The following DCN variants were observed in gnomAD, a reference collection of about 807,000 sequenced individuals.
The protein encoded by DCN is bone proteoglycan II.
In DCN, 17 loss-of-function variants were observed where a neutral mutation model predicts 36.5. The ratio of observed to expected loss-of-function variants is 0.47; its 90% CI spans 0.32 to 0.70. DCN has a LOEUF of 0.70. Ranked by LOEUF, DCN falls within the 30% of genes least tolerant of loss-of-function variation. The pLI is 0.04. For synonymous variants in DCN, 163 were observed against 161.4 expected (o/e 1.01, Z -0.07); for missense variants, 389 against 430.1 (o/e 0.90, Z 0.84).
At chr12:91,152,231 A>T (rs747226841) in intron 6 of DCN, among the ~76,000 whole-genome samples, 3 of 152,156 alleles carry the variant, frequency 2.0e-5, no homozygotes, top group Non-Finnish European at 4.4e-5. Context: ...GGTCTCATGG[A>T]TCAAAAACCA....
Position 91,141,116 on chromosome 12 carries a change from C to CAA in DCN, c.*4940_*4941dup, listed in dbSNP as rs1228601350. 1 of 152,164 alleles carries CAA rather than the reference C, an allele frequency of 6.6e-6. No individual in the cohort carries two copies. Among genetic ancestry groups the CAA allele is most frequent in the Admixed American group, 6.5e-5 (1 of 15,272 alleles). The allele number at this position is 152,164 out of a possible 1,614,324, so 9.4% of individuals were successfully genotyped here. ...GTCTATACACGCAAAGGGATCCTCT[C>CAA]AAAGACAGTTGAATCAAGTCACTCC... On this transcript the variant is annotated 3_prime_UTR_variant, in exon 8 of 8. Coordinates refer to ENST00000052754, the MANE Select transcript of DCN (RefSeq NM_001920.5).
At chr12:91,159,286 G>T (rs1449194721) in intron 3 of DCN, among the ~76,000 whole-genome samples, 1 of 152,122 alleles carries the variant, frequency 6.6e-6, no homozygotes, top group African/African-American at 2.4e-5. Context: ...CACCAGCAAT[G>T]CAAGGAACTA....
chr12:91,172,641 G>A (rs935450735), intron 2 of DCN: 2 of 598,274 alleles, frequency 3.3e-6, no homozygotes, highest in South Asian at 3.8e-5. Flanking sequence ...AGGATGCACT[G>A]AGAAATCACT....
At chr12:91,153,261 G>T in intron 5 of DCN, 72 bp from the exon 6 acceptor site, 1 of 849,642 alleles carries the variant, frequency 1.2e-6, no homozygotes, top group Non-Finnish European at 2.1e-6. Context: ...CAAACTTAAA[G>T]AAGACATATG....
intron 3 of DCN, among the ~76,000 whole-genome samples, chr12:91,160,316 C>A (rs1882079482): frequency 6.6e-6 from 1 of 151,834 alleles, no homozygotes. Flanking sequence ...CATAGAAGAC[C>A]ATTTTGAAAG....
At chr12:91,167,516 G>A (rs1433001884) in intron 2 of DCN, among the ~76,000 whole-genome samples, 1 of 151,754 alleles carries the variant, frequency 6.6e-6, no homozygotes, top group Non-Finnish European at 1.5e-5. Flanking sequence ...GAGACCATCT[G>A]AGACCATTTC....
At position 91,146,044 on chromosome 12, in the gene DCN, G is replaced by A; in HGVS notation, c.*14C>T. Reference sequence around the variant, plus strand: ...GATTTTGCCAGGTTATAAAAATGAGGGCTTTCTTGAGAATTACTTATAGTT... The same window carrying A: ...GATTTTGCCAGGTTATAAAAATGAGAGCTTTCTTGAGAATTACTTATAGTT... On this transcript the variant is annotated 3_prime_UTR_variant, in exon 8 of 8. Coordinates refer to ENST00000052754, the MANE Select transcript of DCN (RefSeq NM_001920.5). 2 of 1,607,828 alleles carry A rather than the reference G, an allele frequency of 1.2e-6. No individual in the cohort carries two copies. Among genetic ancestry groups the A allele is most frequent in the Non-Finnish European group, 1.7e-6 (2 of 1,174,396 alleles).
chr12:91,156,912 C>T (rs1881814562), intron 5 of DCN, among the ~76,000 whole-genome samples, 163 bp downstream of exon 5: 2 of 151,884 alleles, frequency 1.3e-5, no homozygotes, highest in African/African-American at 2.4e-5. Context: ...AGAGAATTTG[C>T]TGGAAATATA....
chr12:91,172,584 A>G (rs975096036), intron 2 of DCN: 10 of 465,502 alleles, frequency 2.1e-5, no homozygotes, highest in Non-Finnish European at 3.4e-5. Context: ...AACTCAAGGA[A>G]TTTCTAAGCT....
At chr12:91,177,718 A>T in intron 2 of DCN, 2 of 696,154 alleles carry the variant, frequency 2.9e-6, no homozygotes, top group Non-Finnish European at 5.2e-6. Flanking sequence ...TACCTTAGTG[A>T]TAAATATTTC....
At position 91,142,341 on chromosome 12, in the gene DCN, A is replaced by G. The variant is rs1473181330; in HGVS notation, c.*3717T>C. On this transcript the variant is annotated 3_prime_UTR_variant, in exon 8 of 8. Transcript: ENST00000052754. ...GCCTGGAACATTGGATGAATGAGAA[A>G]TGACTGTATAAAACATTTTTAGTTT... 1 of 152,202 alleles carries G rather than the reference A, an allele frequency of 6.6e-6. No individual in the cohort carries two copies. Among genetic ancestry groups the G allele is most frequent in the East Asian group, 1.9e-4 (1 of 5,196 alleles). 9.4% of individuals were successfully genotyped at this position (152,202 alleles called of 1,614,324 possible). A position where few individuals can be genotyped will look rare whatever the true frequency, so the allele number is the denominator to read the frequency against.
chr12:91,144,408 C>A lies in DCN; in HGVS notation c.*1650G>T, dbSNP rs557973590. 4 of 152,188 alleles carry A rather than the reference C, an allele frequency of 2.6e-5. No homozygotes were observed. Among genetic ancestry groups the A allele is most frequent in the Admixed American group, 1.3e-4 (2 of 15,276 alleles). The allele number at this position is 152,188 out of a possible 1,614,324, so 9.4% of individuals were successfully genotyped here. On this transcript the variant is annotated 3_prime_UTR_variant, in exon 8 of 8. Coordinates refer to ENST00000052754, the MANE Select transcript of DCN (RefSeq NM_001920.5). ...CCTGAATGTCTTCCAATAGAAACCACCTATTCAACTGTAGTCATGAGAGGA... is the reference window on the plus strand; with the variant it reads ...CCTGAATGTCTTCCAATAGAAACCAACTATTCAACTGTAGTCATGAGAGGA...
At chr12:91,158,582 G>T (rs2121212544) in intron 3 of DCN, 73 bp from the exon 4 acceptor site, 11 of 847,458 alleles carry the variant, frequency 1.3e-5, no homozygotes, top group Non-Finnish European at 2.1e-5. Flanking sequence ...GGGCATGTTT[G>T]TTCATTCCAT....
chr12:91,148,133 T>G (rs1881152753), intron 7 of DCN, among the ~76,000 whole-genome samples: 1 of 151,358 alleles, frequency 6.6e-6, no homozygotes, highest in Non-Finnish European at 1.5e-5. Context: ...AAGTGCGGTG[T>G]CGCAATCTCG....
chr12:91,158,339 C>T lies in DCN; in HGVS notation c.495G>A (p.Val165=). 6.2e-7 allele frequency: 1 copy of T among 1,613,890 alleles called. No individual in the cohort carries two copies. Among genetic ancestry groups the T allele is most frequent in the Non-Finnish European group, 8.5e-7 (1 of 1,179,778 alleles). ...LRAHENEITK[V]RKVTFNGLNQ... is the part of the protein sequence containing the mutation. ...TCAGTCCATTGAAAGTAACTTTTCGCACTTTGGTGATCTCATTCTCATGGG... is the reference window on the plus strand; with the variant it reads ...TCAGTCCATTGAAAGTAACTTTTCGTACTTTGGTGATCTCATTCTCATGGG... Residue 165 remains valine, a synonymous_variant, in exon 4 of 8, where the codon GTG becomes GTA. Coordinates refer to ENST00000052754, the MANE Select transcript of DCN (RefSeq NM_001920.5).
intron 6 of DCN, 124 bp from the exon 7 acceptor site, chr12:91,151,916 C>G: frequency 9.6e-7 from 1 of 1,042,200 alleles, no homozygotes; most frequent in Non-Finnish European, 1.4e-6. Flanking sequence ...CTTCCCAGTT[C>G]TTGGAGTGCT....
Position 91,145,231 on chromosome 12 carries a change from A to G in DCN, c.*827T>C, listed in dbSNP as rs1252250318. 1 of 152,246 alleles carries G rather than the reference A, an allele frequency of 6.6e-6. No individual in the cohort carries two copies. The highest frequency in any genetic ancestry group is 1.5e-5 in the Non-Finnish European group (1 of 68,036). The allele number at this position is 152,246 out of a possible 1,614,324, so 9.4% of individuals were successfully genotyped here. A position where few individuals can be genotyped will look rare whatever the true frequency, so the allele number is the denominator to read the frequency against. On this transcript the variant is annotated 3_prime_UTR_variant, in exon 8 of 8. Transcript: ENST00000052754. ...TACGTCTAATACATCTAGTAATTGT[A>G]GAAATGTTCAGCCTGATTACATGAA...
intron 5 of DCN, among the ~76,000 whole-genome samples, chr12:91,154,712 T>A (rs1439073361): frequency 6.6e-6 from 1 of 152,148 alleles, no homozygotes; most frequent in East Asian, 1.9e-4. Context: ...TATTTTAAAT[T>A]TTCTTTTTTC....
At chr12:91,160,000 T>C (rs907831565) in intron 3 of DCN, among the ~76,000 whole-genome samples, 1 of 152,158 alleles carries the variant, frequency 6.6e-6, no homozygotes, top group African/African-American at 2.4e-5. Context: ...TTAATTAATA[T>C]ATGTATATCC....
Sources: gnomAD v4.1 joint callset for allele counts (sites outside exome capture counted in the v4.1 genomes callset) on GRCh38, gnomAD v4.1.1 for gene constraint, MANE v1.5 for transcripts, NCBI Gene and HGNC (gene_info 2026-07-23, HGNC 2026-07-21) for gene names.